The following CLVS1 variants were observed in gnomAD, a reference collection of about 807,000 sequenced individuals.
CLVS1 encodes clavesin-1.
A neutral mutation model predicts 33.1 loss-of-function variants in CLVS1; 10 were observed. That is an observed-to-expected ratio of 0.30 (90% confidence interval 0.19 to 0.51). The LOEUF (loss-of-function observed/expected upper bound fraction) is 0.51. Among genes scored for constraint, CLVS1 ranks in the 20% least tolerant of loss-of-function variants. The pLI is 0.97. For missense variants in CLVS1, 343 were observed against 433.4 expected, an observed-to-expected ratio of 0.79 and a Z score of 1.85; for synonymous variants, 163 against 166.1, an observed-to-expected ratio of 0.98 and a Z score of 0.14.
chr8:61,444,287 G>C (rs1309318064), intron 3 of CLVS1, among the ~76,000 whole-genome samples: 1 of 152,172 alleles, frequency 6.6e-6, no homozygotes, highest in Non-Finnish European at 1.5e-5. Flanking sequence ...GATGAGATCA[G>C]ATACACTTGT....
chr8:61,452,426 C>A (rs772502111), intron 3 of CLVS1, among the ~76,000 whole-genome samples: 3 of 152,074 alleles, frequency 2.0e-5, no homozygotes, highest in Non-Finnish European at 1.5e-5. Context: ...CCCCTCAGAA[C>A]CACATTTAGT....
At chr8:61,134,383 G>A (rs537734340) in intron 2 of CLVS1, among the ~76,000 whole-genome samples, 6 of 152,266 alleles carry the variant, frequency 3.9e-5, no homozygotes, top group South Asian at 2.1e-4. Context: ...GATCTGACCC[G>A]TCACCTGTTT....
intron 3 of CLVS1, among the ~76,000 whole-genome samples, chr8:61,450,925 C>T (rs1489357756): frequency 1.3e-5 from 2 of 152,118 alleles, no homozygotes; most frequent in African/African-American, 2.4e-5. Flanking sequence ...CTTTAAAATA[C>T]GGCAGATGAA....
chr8:61,429,693 A>G (rs1387011157), intron 3 of CLVS1, among the ~76,000 whole-genome samples: 1 of 152,218 alleles, frequency 6.6e-6, no homozygotes, highest in Admixed American at 6.5e-5. Flanking sequence ...TTTCTGAAAG[A>G]TCATAGCTAA....
chr8:61,385,910 T>C (rs917335438), intron 3 of CLVS1, among the ~76,000 whole-genome samples: 2 of 152,204 alleles, frequency 1.3e-5, no homozygotes, highest in African/African-American at 4.8e-5. Flanking sequence ...CCCCAAAAGA[T>C]GCCAGGCAAT....
intron 3 of CLVS1, among the ~76,000 whole-genome samples, chr8:61,416,641 C>A (rs1312708995): frequency 1.3e-5 from 2 of 152,202 alleles, no homozygotes; most frequent in Admixed American, 6.5e-5. Flanking sequence ...CTTCACTGAC[C>A]CCTCAGGCAA....
intron 2 of CLVS1, among the ~76,000 whole-genome samples, chr8:61,356,960 G>A (rs1304022917): frequency 6.6e-6 from 1 of 152,158 alleles, no homozygotes; most frequent in Non-Finnish European, 1.5e-5. Flanking sequence ...GAAAGTCATT[G>A]GTAGCTTGAT....
intron 2 of CLVS1, among the ~76,000 whole-genome samples, chr8:61,193,320 T>C (rs1444595514): frequency 6.6e-6 from 1 of 151,766 alleles, no homozygotes; most frequent in African/African-American, 2.4e-5. Context: ...AATGGAACAA[T>C]GAGAACACTT....
At chr8:61,497,524 C>T (rs1266475525) in intron 5 of CLVS1, among the ~76,000 whole-genome samples, 2 of 151,544 alleles carry the variant, frequency 1.3e-5, no homozygotes, top group East Asian at 1.9e-4. Context: ...TCCACCATTC[C>T]CTCTTGTTAC....
chr8:61,489,855 T>A (rs1036302152), intron 5 of CLVS1, among the ~76,000 whole-genome samples: 2 of 152,236 alleles, frequency 1.3e-5, no homozygotes, highest in Non-Finnish European at 2.9e-5. Flanking sequence ...CAATTCAGAC[T>A]TAAAAGAGCT....
At chr8:61,434,017 T>C (rs1816216161) in intron 3 of CLVS1, among the ~76,000 whole-genome samples, 1 of 151,950 alleles carries the variant, frequency 6.6e-6, no homozygotes, top group East Asian at 1.9e-4. Flanking sequence ...GCAGTCAGAA[T>C]TGGGTGAAGT....
intron 3 of CLVS1, among the ~76,000 whole-genome samples, chr8:61,394,638 C>A (rs1418477292): frequency 6.6e-6 from 1 of 152,164 alleles, no homozygotes; most frequent in Non-Finnish European, 1.5e-5. Context: ...AGGCCTCACC[C>A]AGCTCCCATG....
chr8:60,966,338 T>C, the CLVS1 span: 1 of 455,412 alleles, frequency 2.2e-6, no homozygotes, highest in Non-Finnish European at 4.4e-6. Context: ...TTTTGTCTTC[T>C]CCTTTTCACG....
At chr8:61,396,324 T>G (rs1814526687) in intron 3 of CLVS1, among the ~76,000 whole-genome samples, 1 of 152,170 alleles carries the variant, frequency 6.6e-6, no homozygotes. Context: ...ATATTTTAAA[T>G]TGTAAGTTTA....
intron 2 of CLVS1, chr8:61,274,063 G>A (rs936807694): frequency 6.6e-6 from 1 of 152,242 alleles, no homozygotes; most frequent in African/African-American, 2.4e-5. Context: ...GAGTCATTCT[G>A]AATATGTAAG....
At chr8:61,424,602 A>G (rs1354819453) in intron 3 of CLVS1, among the ~76,000 whole-genome samples, 1 of 152,210 alleles carries the variant, frequency 6.6e-6, no homozygotes, top group Non-Finnish European at 1.5e-5. Flanking sequence ...TAGAGCACGT[A>G]TAATAGTGCT....
chr8:61,429,716 C>G (rs542266362), intron 3 of CLVS1, among the ~76,000 whole-genome samples: 57 of 152,168 alleles, frequency 3.7e-4, no homozygotes, highest in Non-Finnish European at 6.8e-4. Context: ...CTTAAAGCCT[C>G]TAATCTGAAA....
intron 2 of CLVS1, among the ~76,000 whole-genome samples, chr8:61,195,048 C>A (rs2978509): frequency 1.3e-5 from 2 of 151,402 alleles, no homozygotes; most frequent in East Asian, 3.9e-4. Context: ...TCAAAACATG[C>A]GGGATACAGC....
chr8:60,994,885 C>G, the CLVS1 span, among the ~76,000 whole-genome samples: 2 of 151,888 alleles, frequency 1.3e-5, no homozygotes, highest in Non-Finnish European at 2.9e-5. Flanking sequence ...TGATCTTTGA[C>G]AAACCTGAGA....
Sources: allele counts gnomAD v4.1 joint callset (sites outside exome capture counted in the v4.1 genomes callset), GRCh38; gene constraint gnomAD v4.1.1; transcripts MANE v1.5; gene names NCBI Gene and HGNC (gene_info 2026-07-23, HGNC 2026-07-21).